The following ABCA1 variants were observed in gnomAD, a reference collection of about 807,000 sequenced individuals.
ABCA1 encodes phospholipid-transporting ATPase ABCA1.
ABCA1 carries 133 observed loss-of-function variants against 262.5 expected under a neutral mutation model. The ratio of observed to expected loss-of-function variants is 0.51; its 90% CI spans 0.44 to 0.59. The LOEUF is 0.59. Ranked by LOEUF, ABCA1 falls within the 20% of genes least tolerant of loss-of-function variation. The pLI, the probability that ABCA1 is intolerant of heterozygous loss-of-function variation, is 0.00. For synonymous variants in ABCA1, 1,022 were observed against 1,043.5 expected (o/e 0.98, Z 0.40); for missense variants, 2,452 against 2,777.5 (o/e 0.88, Z 2.63).
rs1564122895 is a variant in ABCA1 at position 104,817,496 on chromosome 9, GT to G, written c.3463-93del. On this transcript the variant is annotated intron_variant, in intron 23 of 49. Coordinates refer to ENST00000374736, the MANE Select transcript of ABCA1 (RefSeq NM_005502.4). This position sits in a 1 kb window ranked among gnomAD's most constrained non-coding sequence, Gnocchi z 4.7. ...CCGGGGAGGGCTTCCAAGAAGCTCT[GT>G]TGTGTGAGAACTAAAGGAAAAAGCT... 9 of 1,374,808 alleles carry G rather than the reference GT, an allele frequency of 6.5e-6. No homozygotes were observed. The highest frequency in any genetic ancestry group is 9.3e-6 in the Non-Finnish European group (9 of 971,972). The allele number at this position is 1,374,808 out of a possible 1,614,324, so 85.2% of individuals were successfully genotyped here. A position where few individuals can be genotyped will look rare whatever the true frequency, so the allele number is the denominator to read the frequency against.
Position 104,822,584 on chromosome 9 carries a change from C to T in ABCA1, c.2740G>A (p.Val914Met). 1 of 1,614,090 alleles carries T rather than the reference C, an allele frequency of 6.2e-7. No individual in the cohort carries two copies. The highest frequency in any genetic ancestry group is 8.5e-7 in the Non-Finnish European group (1 of 1,180,002). Residue 914 changes from valine (V) to methionine (M), a missense_variant, in exon 19 of 50, where the codon GTG (valine) becomes ATG (methionine). Physicochemically the swap from Val to Met is conservative, Grantham distance 21 (BLOSUM62 1). Coordinates refer to ENST00000374736, the MANE Select transcript of ABCA1 (RefSeq NM_005502.4). ...TTCAGTGCCAGGCCATCGACAGCCA[C>T]CTTCATCCCATCTCGGTAGACTTTT... is the stretch of plus-strand genomic sequence containing the variant. ...LVKVYRDGMK[V>M]AVDGLALNFY...
In ABCA1 at chr9:104,831,735, A is replaced by G; in HGVS notation, c.1602T>C (p.Ala534=). 2 of 1,614,210 alleles carry G rather than the reference A, an allele frequency of 1.2e-6. No homozygotes were observed. Among genetic ancestry groups the G allele is most frequent in the Non-Finnish European group, 1.7e-6 (2 of 1,180,042 alleles). Residue 534 remains alanine (A), a synonymous_variant, in exon 13 of 50, where the codon GCT becomes GCC. Coordinates refer to ENST00000374736, the MANE Select transcript of ABCA1 (RefSeq NM_005502.4). The part of the protein sequence containing the change: ...MELLDERKFW[A]GIVFTGITPG... ...GAGTAATTCCAGTGAACACAATACC[A>G]GCCCAGAACTTCCTCTCATCCAGCA...
At chr9:104,887,229 G>C (rs948280078) in intron 3 of ABCA1, among the ~76,000 whole-genome samples, 10 of 152,226 alleles carry the variant, frequency 6.6e-5, no homozygotes, top group African/African-American at 2.2e-4. Flanking sequence ...AGTGAGCGGA[G>C]ATTGCACTAC....
At chr9:104,884,307 A>G in intron 4 of ABCA1, 120 bp downstream of exon 4, 3 of 1,330,730 alleles carry the variant, frequency 2.3e-6, no homozygotes, top group South Asian at 2.5e-5. Context: ...ACTCTATCAC[A>G]CAAGCATTTA....
At position 104,888,001 on chromosome 9, in the gene ABCA1, G is replaced by A. The variant is rs116564772; in HGVS notation, c.160+1101C>T. On this transcript the variant is annotated intron_variant, in intron 3 of 49. Coordinates refer to ENST00000374736, the MANE Select transcript of ABCA1 (RefSeq NM_005502.4). ...CTTGACTTCCCACTGTGCCTGGCCC[G>A]CTCTTTTCTTTTTTGATGAAATCAG... Among the ~76,000 whole-genome samples the A allele has an allele frequency of 7.7e-3, 1,161 of 151,602 alleles. 11 individuals carry two copies. The highest frequency in any genetic ancestry group is 0.027 in the African/African-American group (1,108 of 41,268).
At chr9:104,818,604 G>A in intron 23 of ABCA1, 59 bp downstream of exon 23, 1 of 1,513,568 alleles carries the variant, frequency 6.6e-7, no homozygotes, top group Non-Finnish European at 9.2e-7. Flanking sequence ...ATCATTCACA[G>A]CCAGCAAGTC....
At chr9:104,814,362 C>A in intron 26 of ABCA1, 65 bp downstream of exon 26, 5 of 1,577,962 alleles carry the variant, frequency 3.2e-6, no homozygotes, top group Middle Eastern at 3.3e-4. Flanking sequence ...GAACAATACT[C>A]GTGCACTGAG....
At chr9:104,853,838 T>C (rs969594416) in intron 7 of ABCA1, among the ~76,000 whole-genome samples, 2 of 152,166 alleles carry the variant, frequency 1.3e-5, no homozygotes, top group African/African-American at 4.8e-5. Context: ...AAATATATGA[T>C]AAACTATTCC....
chr9:104,829,042 C>T lies in ABCA1; in HGVS notation c.1989G>A (p.Lys663=). The T allele has an allele frequency of 6.2e-7, 1 of 1,614,210 alleles. No individual in the cohort carries two copies. The highest frequency in any genetic ancestry group is 2.2e-5 in the East Asian group (1 of 44,884). Reference sequence around the variant, plus strand: ...GCATGGTCTCTTTCAGCCGTGCCTCCTTCTCATACACGATGCCCTTGATGA... The same window carrying T: ...GCATGGTCTCTTTCAGCCGTGCCTCTTTCTCATACACGATGCCCTTGATGA... The part of the protein sequence containing the change: ...AVIIKGIVYE[K]EARLKETMRI... Residue 663 remains lysine (K), a synonymous_variant, in exon 15 of 50, where the codon AAG becomes AAA. Transcript: ENST00000374736.
At chr9:104,801,912 C>T (rs992510448) in intron 34 of ABCA1, 142 bp downstream of exon 34, 42 of 799,664 alleles carry the variant, frequency 5.3e-5, no homozygotes, top group South Asian at 1.8e-4. Flanking sequence ...TGGCTCAAAT[C>T]GCTAAATGCC....
chr9:104,837,422 G>C lies in ABCA1; in HGVS notation c.1194+6C>G. On this transcript the variant is annotated splice_donor_region_variant and intron_variant, in intron 10 of 49. Coordinates refer to ENST00000374736, the MANE Select transcript of ABCA1 (RefSeq NM_005502.4). ...GGGAGGGAGTCTTGGGCTGGGGGCA[G>C]CTTACCTCAGCCATGACCTGCCTTG... is the stretch of plus-strand genomic sequence containing the variant. 1 of 1,613,976 alleles carries C rather than the reference G, an allele frequency of 6.2e-7. No individual in the cohort carries two copies. The highest frequency in any genetic ancestry group is 1.7e-5 in the Admixed American group (1 of 60,010).
At chr9:104,836,222 G>A (rs935170855) in intron 11 of ABCA1, among the ~76,000 whole-genome samples, 1 of 152,216 alleles carries the variant, frequency 6.6e-6, no homozygotes, top group East Asian at 1.9e-4. Flanking sequence ...GGTAGGTACA[G>A]TCTCTAAAAC....
chr9:104,918,685 A>G (rs1474603557), intron 1 of ABCA1, among the ~76,000 whole-genome samples: 2 of 152,172 alleles, frequency 1.3e-5, no homozygotes, highest in Admixed American at 1.3e-4. Flanking sequence ...CCTAACCCCA[A>G]CTAAGGTAAA....
chr9:104,825,059 A>T (rs1832705365), intron 17 of ABCA1, among the ~76,000 whole-genome samples: 1 of 152,200 alleles, frequency 6.6e-6, no homozygotes, highest in Non-Finnish European at 1.5e-5. Flanking sequence ...TTCCTCTTGG[A>T]CTTGGTCAAG....
chr9:104,883,138 C>G lies in ABCA1; in HGVS notation c.322G>C (p.Asp108His). ...NKSIVARLFS[D>H]ARRLLLYSQK... ...CTGTATAAAAGAAGCCTCCGAGCAT[C>G]TGAGAACAGGCGAGCCACACTGTAA... is the stretch of plus-strand genomic sequence containing the variant. The change falls in exon 5 of 50, where the codon GAT (aspartate) becomes CAT (histidine). Residue 108 changes from aspartate (D) to histidine (H), a missense_variant. By Grantham distance (81) the Asp-to-His change is moderately conservative (BLOSUM62 -1). Transcript: ENST00000374736. 6.2e-7 allele frequency: 1 copy of G among 1,613,402 alleles called. No individual in the cohort carries two copies. Among genetic ancestry groups the G allele is most frequent in the Non-Finnish European group, 8.5e-7 (1 of 1,180,022 alleles).
intron 7 of ABCA1, among the ~76,000 whole-genome samples, chr9:104,846,482 A>G (rs1268049191): frequency 6.6e-6 from 1 of 152,232 alleles, no homozygotes; most frequent in Non-Finnish European, 1.5e-5. Context: ...TTGTCATATC[A>G]GAGACTGCTG....
intron 3 of ABCA1, among the ~76,000 whole-genome samples, chr9:104,884,918 C>T (rs911015626): frequency 6.6e-6 from 1 of 152,174 alleles, no homozygotes; most frequent in Non-Finnish European, 1.5e-5. Flanking sequence ...CCTATTTTTT[C>T]ATACTCTAAG....
Position 104,817,277 on chromosome 9 carries a change from G to C in ABCA1, c.3535+55C>G. 1 of 1,613,636 alleles carries C rather than the reference G, an allele frequency of 6.2e-7. No individual in the cohort carries two copies. Among genetic ancestry groups the C allele is most frequent in the Admixed American group, 1.7e-5 (1 of 60,006 alleles). ...ACCTCTCCTCCTCTGCCTCCACTCTGCCCAGCTGGGGGAAGCTCAGGCACC... is the reference window on the plus strand; with the variant it reads ...ACCTCTCCTCCTCTGCCTCCACTCTCCCCAGCTGGGGGAAGCTCAGGCACC... On this transcript the variant is annotated intron_variant, in intron 24 of 49. Transcript: ENST00000374736. This position sits in a 1 kb window ranked among gnomAD's most constrained non-coding sequence, Gnocchi z 4.7.
chr9:104,851,199 A>G (rs1276173351), intron 7 of ABCA1, among the ~76,000 whole-genome samples: 2 of 152,148 alleles, frequency 1.3e-5, no homozygotes, highest in Non-Finnish European at 2.9e-5. Context: ...CATCCTCATG[A>G]ACTTAGTTCT....
Sources: allele counts gnomAD v4.1 joint callset (sites outside exome capture counted in the v4.1 genomes callset), GRCh38; gene constraint gnomAD v4.1.1; non-coding constraint Gnocchi (gnomAD v3.1); transcripts MANE v1.5; gene names NCBI Gene and HGNC (gene_info 2026-07-23, HGNC 2026-07-21).